Variants in DGKI observed in about 807,000 individuals in gnomAD.
The protein encoded by DGKI is DAG kinase iota.
In DGKI, 55 loss-of-function variants were observed where a neutral mutation model predicts 147.5. That is an observed-to-expected ratio of 0.37 (90% confidence interval 0.30 to 0.47). DGKI has a LOEUF of 0.47. Among genes scored for constraint, DGKI ranks in the 20% least tolerant of loss-of-function variants. The pLI, the probability that DGKI is intolerant of heterozygous loss-of-function variation, is 1.00. For missense variants in DGKI, 1,007 were observed against 1,323.8 expected (o/e 0.76, Z 3.71); for synonymous variants, 469 against 477.1 (o/e 0.98, Z 0.22).
chr7:137,394,555 TA>T (rs1811479747), intron 32 of DGKI, among the ~76,000 whole-genome samples: 1 of 152,160 alleles, frequency 6.6e-6, no homozygotes, highest in Admixed American at 6.5e-5. Context: ...TCTATAAACT[TA>T]AACAACTCGT....
intron 1 of DGKI, among the ~76,000 whole-genome samples, chr7:137,806,217 C>G (rs897911583): frequency 3.3e-5 from 5 of 152,208 alleles, no homozygotes; most frequent in Admixed American, 3.3e-4. Context: ...TGAGTAAATG[C>G]TGAATGACTT....
At chr7:137,789,706 C>T (rs1796790453) in intron 1 of DGKI, among the ~76,000 whole-genome samples, 1 of 152,152 alleles carries the variant, frequency 6.6e-6, no homozygotes, top group Admixed American at 6.5e-5. Context: ...TGGACAAGAA[C>T]CACAGTCAGA....
chr7:137,506,998 T>C (rs1563058691), intron 21 of DGKI, among the ~76,000 whole-genome samples: 2 of 152,168 alleles, frequency 1.3e-5, no homozygotes, highest in African/African-American at 2.4e-5. Flanking sequence ...AAGAATTAGA[T>C]AGAATCAGTT....
intron 1 of DGKI, among the ~76,000 whole-genome samples, chr7:137,814,472 T>C (rs764768592): frequency 2.6e-5 from 4 of 152,170 alleles, no homozygotes; most frequent in Non-Finnish European, 5.9e-5. Context: ...ATCTATGTTT[T>C]GGGGTGCATT....
At chr7:137,547,671 G>C (rs1440047623) in intron 20 of DGKI, among the ~76,000 whole-genome samples, 1 of 152,290 alleles carries the variant, frequency 6.6e-6, no homozygotes, top group South Asian at 2.1e-4. Flanking sequence ...AGCTATGACA[G>C]ACACTGAGGA....
chr7:137,506,931 T>C (rs1365073153), intron 21 of DGKI, among the ~76,000 whole-genome samples: 1 of 152,228 alleles, frequency 6.6e-6, no homozygotes, highest in African/African-American at 2.4e-5. Context: ...TTTTACCTCA[T>C]TAGTTCCAAA....
intron 19 of DGKI, among the ~76,000 whole-genome samples, chr7:137,563,478 G>C (rs1308735680): frequency 6.6e-6 from 1 of 151,718 alleles, no homozygotes; most frequent in Non-Finnish European, 1.5e-5. Flanking sequence ...AGGCATGTAA[G>C]GAAACAGTAA....
intron 28 of DGKI, among the ~76,000 whole-genome samples, chr7:137,413,025 T>A (rs1159125052): frequency 6.6e-6 from 1 of 152,152 alleles, no homozygotes; most frequent in Non-Finnish European, 1.5e-5. Flanking sequence ...ATCCCAGTAC[T>A]TTGGGAAGCC....
rs139195046 is a variant in DGKI, at chr7:137,580,096, T to C, written c.1642+1754A>G. ...TAAATATGAGACTCACTTGAGCTCA[T>C]TGAGCTCATTGAATGAGCTCATTGT... On this transcript the variant is annotated intron_variant, in intron 15 of 32. Coordinates refer to ENST00000614521, the MANE Select transcript of DGKI (RefSeq NM_001321708.2). Among the ~76,000 whole-genome samples the C allele has an allele frequency of 4.1e-3, 629 of 152,242 alleles. 6 individuals carry two copies. The highest frequency in any genetic ancestry group is 0.015 in the African/African-American group (609 of 41,572).
rs540071502 is a variant in DGKI at position 137,383,564 on chromosome 7, A to G, written c.*7656T>C. ...TTTTTCTAGTCCAAGATCTCTCACAATTAAAGATATGCCTTTGATCTCTGA... is the reference window on the plus strand; with the variant it reads ...TTTTTCTAGTCCAAGATCTCTCACAGTTAAAGATATGCCTTTGATCTCTGA... On this transcript the variant is annotated 3_prime_UTR_variant, in exon 33 of 33. Coordinates refer to ENST00000614521, the MANE Select transcript of DGKI (RefSeq NM_001321708.2). The G allele has an allele frequency of 8.6e-5, 13 of 152,038 alleles. No individual in the cohort carries two copies. In the East Asian group the frequency reaches 2.5e-3, roughly 30 times the overall value. The allele number at this position is 152,038 out of a possible 1,614,324, so 9.4% of individuals were successfully genotyped here.
At chr7:137,752,170 TG>T (rs1331688577) in intron 1 of DGKI, among the ~76,000 whole-genome samples, 2 of 151,710 alleles carry the variant, frequency 1.3e-5, no homozygotes, top group Non-Finnish European at 2.9e-5. Context: ...ATAAAAGTTG[TG>T]GGGGGAGCAA....
chr7:137,397,451 G>A, intron 30 of DGKI, 38 bp from the exon 31 acceptor site: 1 of 1,597,382 alleles, frequency 6.3e-7, no homozygotes, highest in Non-Finnish European at 8.5e-7. Context: ...TCAAAAATAA[G>A]CTCAAAAACT....
At chr7:137,466,486 A>AT (rs34097048) in intron 25 of DGKI, among the ~76,000 whole-genome samples, 21 of 150,462 alleles carry the variant, frequency 1.4e-4, no homozygotes, top group Admixed American at 3.3e-4. Flanking sequence ...GGGCAAAACC[A>AT]TTTTTTTTTT....
chr7:137,773,737 T>C (rs1184174552), intron 1 of DGKI, among the ~76,000 whole-genome samples: 1 of 152,148 alleles, frequency 6.6e-6, no homozygotes, highest in Non-Finnish European at 1.5e-5. Flanking sequence ...TAGAAACTCA[T>C]GTTTTCCAAA....
At chr7:137,703,832 A>G (rs1378910563) in intron 1 of DGKI, among the ~76,000 whole-genome samples, 1 of 152,214 alleles carries the variant, frequency 6.6e-6, no homozygotes, top group African/African-American at 2.4e-5. Flanking sequence ...ATTTTATGAG[A>G]TATGCAAAGA....
At chr7:137,563,095 G>C (rs1325058755) in intron 19 of DGKI, among the ~76,000 whole-genome samples, 1 of 151,946 alleles carries the variant, frequency 6.6e-6, no homozygotes, top group East Asian at 1.9e-4. Context: ...AGAAATGCAA[G>C]ATCAGTATAA....
At chr7:137,782,858 G>T (rs1405139090) in intron 1 of DGKI, among the ~76,000 whole-genome samples, 2 of 152,182 alleles carry the variant, frequency 1.3e-5, no homozygotes. Context: ...GAGCTCTGTA[G>T]CTCCACTGGG....
At chr7:137,577,097 T>C in intron 17 of DGKI, 125 bp downstream of exon 17, 1 of 721,992 alleles carries the variant, frequency 1.4e-6, no homozygotes, top group Admixed American at 2.5e-5. Context: ...TTGAATGAAC[T>C]ACACAAAATG....
chr7:137,522,074 G>A (rs1342685694), intron 20 of DGKI, 108 bp from the exon 21 acceptor site: 36 of 748,954 alleles, frequency 4.8e-5, no homozygotes, highest in Non-Finnish European at 6.8e-5. Context: ...AGAAGGAAGA[G>A]TTCACATTCA....
Sources: allele counts gnomAD v4.1 joint callset (sites outside exome capture counted in the v4.1 genomes callset), GRCh38; gene constraint gnomAD v4.1.1; transcripts MANE v1.5; gene names NCBI Gene and HGNC (gene_info 2026-07-23, HGNC 2026-07-21).